Variants in TLL1 observed in about 807,000 individuals in gnomAD.
The protein encoded by TLL1 is tolloid like 1.
TLL1 carries 49 observed loss-of-function variants against 128.2 expected under a neutral mutation model. That is an observed-to-expected ratio of 0.38 (90% CI 0.30 to 0.48). The LOEUF is 0.48. Ranked by LOEUF, TLL1 falls within the 20% of genes least tolerant of loss-of-function variation. The pLI is 0.96. For missense variants in TLL1, 1,123 were observed against 1,242.0 expected (o/e 0.90, Z 1.44); for synonymous variants, 454 against 418.8 (o/e 1.08, Z -1.03).
intron 18 of TLL1, among the ~76,000 whole-genome samples, chr4:166,084,066 T>C (rs918081137): frequency 6.6e-6 from 1 of 152,226 alleles, no homozygotes; most frequent in African/African-American, 2.4e-5. Flanking sequence ...TTTGTGTTTA[T>C]GATAATAGTC....
intron 1 of TLL1, among the ~76,000 whole-genome samples, chr4:165,943,463 A>G (rs922449278): frequency 4.6e-5 from 7 of 151,786 alleles, no homozygotes; most frequent in African/African-American, 1.7e-4. Flanking sequence ...TCTTTCTTAT[A>G]CTCTTCAATA....
At chr4:165,902,120 A>T (rs1732022988) in intron 1 of TLL1, among the ~76,000 whole-genome samples, 1 of 152,066 alleles carries the variant, frequency 6.6e-6, no homozygotes, top group African/African-American at 2.4e-5. Flanking sequence ...TCCCAGGTTG[A>T]CTTTAGACTG....
intron 1 of TLL1, among the ~76,000 whole-genome samples, chr4:165,977,397 A>AC (rs1008700336): frequency 7.9e-5 from 12 of 152,136 alleles, no homozygotes; most frequent in Non-Finnish European, 1.3e-4. Flanking sequence ...TTTCCCTTCT[A>AC]CCATGATTGT....
At chr4:166,016,763 G>A (rs553472650) in intron 8 of TLL1, among the ~76,000 whole-genome samples, 33 of 151,812 alleles carry the variant, frequency 2.2e-4, no homozygotes, top group African/African-American at 8.0e-4. Context: ...ATAAAGTACC[G>A]GGAGTAAGGG....
At chr4:165,956,968 C>G (rs1734833040) in intron 1 of TLL1, among the ~76,000 whole-genome samples, 1 of 152,008 alleles carries the variant, frequency 6.6e-6, no homozygotes, top group Non-Finnish European at 1.5e-5. Flanking sequence ...ACAAAACAAC[C>G]AGCTAACCAC....
intron 1 of TLL1, among the ~76,000 whole-genome samples, chr4:165,971,458 G>A (rs1435100787): frequency 6.6e-6 from 1 of 152,194 alleles, no homozygotes; most frequent in Non-Finnish European, 1.5e-5. Context: ...TCATGTTAAA[G>A]GATTCTGCCA....
At chr4:165,905,462 T>C (rs1422067294) in intron 1 of TLL1, among the ~76,000 whole-genome samples, 1 of 152,228 alleles carries the variant, frequency 6.6e-6, no homozygotes, top group African/African-American at 2.4e-5. Flanking sequence ...TAAACTCATA[T>C]TAAACTTTCC....
At chr4:166,028,696 G>A (rs996823853) in intron 9 of TLL1, among the ~76,000 whole-genome samples, 3 of 151,850 alleles carry the variant, frequency 2.0e-5, no homozygotes, top group African/African-American at 7.3e-5. Context: ...TCCCCCTGAT[G>A]TATTAAACTA....
At position 166,050,661 on chromosome 4, in the gene TLL1, G is replaced by A. The variant is rs115953821; in HGVS notation, c.1525-4415G>A. ...CAAATGAAGGCAAGCATGTGAGTGT[G>A]TCCCAAGCCTGGCCATGACCCCTAC... On this transcript the variant is annotated intron_variant, in intron 12 of 20. Transcript: ENST00000061240. Among the ~76,000 whole-genome samples, 356 of 152,258 alleles carry A rather than the reference G, an allele frequency of 2.3e-3. 2 individuals carry two copies. The highest frequency in any genetic ancestry group is 8.1e-3 in the African/African-American group (338 of 41,556).
intron 15 of TLL1, among the ~76,000 whole-genome samples, chr4:166,064,318 T>C (rs1288429351): frequency 6.6e-6 from 1 of 152,128 alleles, no homozygotes; most frequent in Non-Finnish European, 1.5e-5. Context: ...CTTAAGCTAT[T>C]ACTGTGTTGG....
chr4:165,930,143 G>A (rs1733450087), intron 1 of TLL1, among the ~76,000 whole-genome samples: 1 of 152,086 alleles, frequency 6.6e-6, no homozygotes, highest in African/African-American at 2.4e-5. Context: ...GAGCTAAGGG[G>A]GAATGTTCAG....
intron 1 of TLL1, among the ~76,000 whole-genome samples, chr4:165,947,230 G>A (rs944338530): frequency 8.6e-5 from 13 of 151,910 alleles, no homozygotes; most frequent in Admixed American, 3.3e-4. Flanking sequence ...GGGTGCTCCC[G>A]GATGTTTCTT....
chr4:166,078,124 A>G (rs78236642), intron 18 of TLL1, 94 bp downstream of exon 18: 58,164 of 1,575,830 alleles, frequency 0.037, 1,644 homozygotes, highest in African/African-American at 0.13. Context: ...TATCTAATTG[A>G]ATCGAATCGT....
At chr4:165,927,690 A>C (rs1733339894) in intron 1 of TLL1, among the ~76,000 whole-genome samples, 1 of 152,212 alleles carries the variant, frequency 6.6e-6, no homozygotes, top group African/African-American at 2.4e-5. Context: ...GGGGACATAA[A>C]GCAATGTCTG....
intron 16 of TLL1, among the ~76,000 whole-genome samples, chr4:166,074,578 A>G (rs1054837010): frequency 3.3e-5 from 5 of 152,062 alleles, no homozygotes; most frequent in African/African-American, 9.7e-5. Flanking sequence ...AAAAAGATCT[A>G]TTGATTCCCT....
chr4:166,062,804 A>G (rs1343790127), intron 15 of TLL1, among the ~76,000 whole-genome samples: 2 of 152,142 alleles, frequency 1.3e-5, no homozygotes, highest in African/African-American at 4.8e-5. Context: ...GCCAGTTTTC[A>G]AAGGGAATGC....
intron 1 of TLL1, among the ~76,000 whole-genome samples, chr4:165,876,972 C>T (rs1412770883): frequency 6.6e-6 from 1 of 152,196 alleles, no homozygotes; most frequent in Non-Finnish European, 1.5e-5. Context: ...GAATGGATTA[C>T]TACTGTTAGG....
chr4:166,080,864 T>A (rs1296695001), intron 18 of TLL1, among the ~76,000 whole-genome samples: 1 of 152,166 alleles, frequency 6.6e-6, no homozygotes, highest in Non-Finnish European at 1.5e-5. Context: ...CCTTCTCTGT[T>A]CATCCCCAGT....
chr4:166,009,868 C>A (rs1737606283), intron 7 of TLL1, among the ~76,000 whole-genome samples: 1 of 151,220 alleles, frequency 6.6e-6, no homozygotes, highest in Admixed American at 6.6e-5. Flanking sequence ...CCATTTTAGG[C>A]ATACAAGTCA....
Sources: allele counts gnomAD v4.1 joint callset (sites outside exome capture counted in the v4.1 genomes callset), GRCh38; gene constraint gnomAD v4.1.1; transcripts MANE v1.5; gene names NCBI Gene and HGNC (gene_info 2026-07-23, HGNC 2026-07-21).